MARS1: variants seen among roughly 807,000 people sequenced by gnomAD.
The protein encoded by MARS1 is methionyl-tRNA synthetase 1, also known as methionine--tRNA ligase, cytoplasmic.
In MARS1, 80 loss-of-function variants were observed where a neutral mutation model predicts 119.5. The observed-to-expected ratio is 0.67, with a 90% CI of 0.56 to 0.81. MARS1 has a LOEUF of 0.81. Ranked by LOEUF, MARS1 falls within the 30% of genes least tolerant of loss-of-function variation. MARS1 has a pLI of 0.00. For missense variants in MARS1, 945 were observed against 1,116.5 expected (o/e 0.85, Z 2.19); for synonymous variants, 418 against 433.4 (o/e 0.96, Z 0.44).
In MARS1 at chr12:57,498,451, T is replaced by C. The variant is rs1373038186; in HGVS notation, c.919T>C (p.Tyr307His). ...YSRLRQWNTL[Y>H]LCGTDEYGTA... ...TCGCCTCCGCCAGTGGAACACCCTCTATCTGTGTGGGACAGATGAGTATGG... is the reference window on the plus strand; with the variant it reads ...TCGCCTCCGCCAGTGGAACACCCTCCATCTGTGTGGGACAGATGAGTATGG... The change falls in exon 9 of 21, where the codon TAT (tyrosine) becomes CAT (histidine). Residue 307 changes from tyrosine (Y) to histidine (H), a missense_variant. Physicochemically the swap from Tyr to His is moderately conservative, Grantham distance 83. Transcript: ENST00000262027. The C allele has an allele frequency of 1.2e-6, 2 of 1,613,960 alleles. No individual in the cohort carries two copies.
In MARS1 at chr12:57,516,357, T is replaced by G; in HGVS notation, c.2556+20T>G. The G allele has an allele frequency of 1.2e-6, 2 of 1,613,830 alleles. No individual in the cohort carries two copies. Among genetic ancestry groups the G allele is most frequent in the South Asian group, 2.2e-5 (2 of 91,072 alleles). On this transcript the variant is annotated intron_variant, in intron 20 of 20. Coordinates refer to ENST00000262027, the MANE Select transcript of MARS1 (RefSeq NM_004990.4). ...AAACAAGTATGAAGCTTAAGCCCTG[T>G]GGGAGACTGGACAAGCTGAATCCTA... is the stretch of plus-strand genomic sequence containing the variant.
rs150516400 is a variant in MARS1 at position 57,496,324 on chromosome 12, C to T, written c.771-1833C>T. Reference sequence around the variant, plus strand: ...GATTACAAGCACGCACCACCAGGCCCGGCTAATTTTTGTACTTTTTTAGTA... The same window carrying T: ...GATTACAAGCACGCACCACCAGGCCTGGCTAATTTTTGTACTTTTTTAGTA... On this transcript the variant is annotated intron_variant, in intron 7 of 20. Coordinates refer to ENST00000262027, the MANE Select transcript of MARS1 (RefSeq NM_004990.4). 8.5e-3 allele frequency among the ~76,000 whole-genome samples: 1,278 copies of T among 150,504 alleles called. 22 individuals carry two copies. Among genetic ancestry groups the T allele is most frequent in the African/African-American group, 0.029 (1,175 of 40,876 alleles).
intron 1 of MARS1, 194 bp downstream of exon 1, chr12:57,488,393 A>G (rs1158937268): frequency 1.4e-6 from 1 of 728,208 alleles, no homozygotes; most frequent in Non-Finnish European, 2.3e-6. Context: ...TACCCTCAAT[A>G]TAATACCCTT....
chr12:57,514,387 C>T (rs1263938706), intron 15 of MARS1, among the ~76,000 whole-genome samples: 1 of 152,100 alleles, frequency 6.6e-6, no homozygotes, highest in Non-Finnish European at 1.5e-5. Flanking sequence ...TCTTGAACTT[C>T]TGACCTCAGG....
chr12:57,496,412 C>G (rs1251971311), intron 7 of MARS1, among the ~76,000 whole-genome samples: 2 of 151,984 alleles, frequency 1.3e-5, no homozygotes, highest in African/African-American at 4.8e-5. Flanking sequence ...ATCCGCCTGC[C>G]TGAGCCTCCC....
chr12:57,494,087 C>T (rs759225720), intron 7 of MARS1, among the ~76,000 whole-genome samples: 47 of 146,428 alleles, frequency 3.2e-4, no homozygotes, highest in Non-Finnish European at 1.9e-4. Context: ...TCCCGAGTAG[C>T]TGGGATTACA....
Position 57,498,291 on chromosome 12 carries a change from G to A in MARS1, c.887+18G>A, listed in dbSNP as rs907862269. ...TTTGCCAGGTGGAGCCAGCTGCTCG[G>A]GGAGAGACCTCCTAAGGGAAGGGCG... On this transcript the variant is annotated intron_variant, in intron 8 of 20. Transcript: ENST00000262027. 3 of 1,608,472 alleles carry A rather than the reference G, an allele frequency of 1.9e-6. No individual in the cohort carries two copies. Among genetic ancestry groups the A allele is most frequent in the Non-Finnish European group, 2.6e-6 (3 of 1,174,900 alleles).
intron 4 of MARS1, 22 bp downstream of exon 4, chr12:57,489,580 G>A: frequency 6.2e-7 from 1 of 1,613,940 alleles, no homozygotes; most frequent in Non-Finnish European, 8.5e-7. Flanking sequence ...CTTGAGATGA[G>A]GACTGGGGAA....
At chr12:57,507,033 A>G (rs1383783071) in intron 11 of MARS1, among the ~76,000 whole-genome samples, 1 of 148,968 alleles carries the variant, frequency 6.7e-6, no homozygotes, top group Non-Finnish European at 1.5e-5. Flanking sequence ...GGTACTTGAG[A>G]TTAGGGAGTG....
chr12:57,508,598 A>C lies in MARS1; in HGVS notation c.1369-3100A>C, dbSNP rs879020483. Among the ~76,000 whole-genome samples the C allele has an allele frequency of 8.5e-5, 13 of 152,332 alleles. No homozygotes were observed. The South Asian group carries it at 2.7e-3, about 32-fold the overall frequency. On this transcript the variant is annotated intron_variant, in intron 11 of 20. Transcript: ENST00000262027. ...ATCAGGCAGGGAGGTTGCAGTGAGC[A>C]GAGATGGCGGCAGTACAGTCCAGCT...
chr12:57,501,589 GT>G (rs1225804705), intron 10 of MARS1, among the ~76,000 whole-genome samples: 2 of 152,118 alleles, frequency 1.3e-5, no homozygotes, highest in Non-Finnish European at 1.5e-5. Context: ...GGAGGCTGAG[GT>G]GGGCAGATCA....
rs1877711004 is a variant in MARS1 at position 57,514,937 on chromosome 12, G to T, written c.2100-17G>T. 1.9e-6 allele frequency: 3 copies of T among 1,614,050 alleles called. No individual in the cohort carries two copies. Among genetic ancestry groups the T allele is most frequent in the East Asian group, 4.5e-5 (2 of 44,890 alleles). ...TCTGTAGGACATTACACCTTGGCCTGCTTCCTCCCTTCCCAGGATCCGGGA... is the reference window on the plus strand; with the variant it reads ...TCTGTAGGACATTACACCTTGGCCTTCTTCCTCCCTTCCCAGGATCCGGGA... On this transcript the variant is annotated splice_polypyrimidine_tract_variant and intron_variant, in intron 16 of 20. Transcript: ENST00000262027.
In MARS1 at chr12:57,516,429, T is replaced by A. The variant is rs1594838496; in HGVS notation, c.2557-6T>A. 6.8e-6 allele frequency: 11 copies of A among 1,613,014 alleles called. No homozygotes were observed. The highest frequency in any genetic ancestry group is 9.3e-6 in the Non-Finnish European group (11 of 1,179,402). ...ACTGTTACCTCCCCACCCCCCTTTATCTTAGGGAAACATTGTCCGAGAACT... is the reference window on the plus strand; with the variant it reads ...ACTGTTACCTCCCCACCCCCCTTTAACTTAGGGAAACATTGTCCGAGAACT... On this transcript the variant is annotated splice_region_variant and splice_polypyrimidine_tract_variant and intron_variant, in intron 20 of 20. Coordinates refer to ENST00000262027, the MANE Select transcript of MARS1 (RefSeq NM_004990.4).
chr12:57,512,575 G>A, intron 14 of MARS1, 176 bp from the exon 15 acceptor site: 2 of 646,424 alleles, frequency 3.1e-6, no homozygotes, highest in South Asian at 2.0e-5. Flanking sequence ...GAGAAAAAAG[G>A]GCCAGAATGG....
At chr12:57,495,165 G>T (rs1034126091) in intron 7 of MARS1, among the ~76,000 whole-genome samples, 2 of 150,834 alleles carry the variant, frequency 1.3e-5, no homozygotes, top group African/African-American at 4.9e-5. Flanking sequence ...GGTGGCTGCC[G>T]GGCGGGGGCT....
Position 57,489,691 on chromosome 12 carries a change from C to T in MARS1, c.414+133C>T, listed in dbSNP as rs1875778338. 2.3e-6 allele frequency: 3 copies of T among 1,308,870 alleles called. No individual in the cohort carries two copies. The Admixed American group carries it at 6.6e-5, about 29-fold the overall frequency. The allele number at this position is 1,308,870 out of a possible 1,614,324, so 81.1% of individuals were successfully genotyped here. A position where few individuals can be genotyped will look rare whatever the true frequency, so the allele number is the denominator to read the frequency against. The stretch of plus-strand genomic sequence containing the variant: ...GTAATCTTGGCAAATCACTTAATCT[C>T]TCTAATCCTCAATTTTTTTCAGTTG... On this transcript the variant is annotated intron_variant, in intron 4 of 20. Transcript: ENST00000262027.
rs763015401 is a variant in MARS1, at chr12:57,516,586, C to T, written c.*5C>T. On this transcript the variant is annotated 3_prime_UTR_variant, in exon 21 of 21. Coordinates refer to ENST00000262027, the MANE Select transcript of MARS1 (RefSeq NM_004990.4). ...AAAGGCAAGAAGAAAAAGTAAAAGACCTTGGCTCATAGAAAGTCACTTTAA... is the reference window on the plus strand; with the variant it reads ...AAAGGCAAGAAGAAAAAGTAAAAGATCTTGGCTCATAGAAAGTCACTTTAA... The T allele has an allele frequency of 3.8e-6, 6 of 1,565,658 alleles. No homozygotes were observed. In the East Asian group the frequency reaches 1.3e-4, roughly 35 times the overall value.
intron 11 of MARS1, among the ~76,000 whole-genome samples, chr12:57,509,404 TTTG>T (rs1250612393): frequency 6.6e-6 from 1 of 152,084 alleles, no homozygotes; most frequent in Non-Finnish European, 1.5e-5. Flanking sequence ...GTATTTGTTT[TTTG>T]TTGTTTGTTT....
In MARS1 at chr12:57,515,247, C is replaced by G; in HGVS notation, c.2302C>G (p.Gln768Glu). ...PYMPTVSATI[Q>E]AQLQLPPPAC... is the part of the protein sequence containing the mutation. ...CATGCCCACGGTTAGTGCCACAATCCAGGCCCAGCTGCAGCTCCCACCTCC... is the reference window on the plus strand; with the variant it reads ...CATGCCCACGGTTAGTGCCACAATCGAGGCCCAGCTGCAGCTCCCACCTCC... The change falls in exon 18 of 21, where the codon CAG becomes GAG. Residue 768 changes from glutamine (Q) to glutamate (E), a missense_variant. By Grantham distance (29) the Gln-to-Glu change is conservative. Coordinates refer to ENST00000262027, the MANE Select transcript of MARS1 (RefSeq NM_004990.4). The G allele has an allele frequency of 6.2e-7, 1 of 1,614,120 alleles. No individual in the cohort carries two copies. The highest frequency in any genetic ancestry group is 8.5e-7 in the Non-Finnish European group (1 of 1,180,028).
Sources: gnomAD v4.1 joint callset for allele counts (sites outside exome capture counted in the v4.1 genomes callset) on GRCh38, gnomAD v4.1.1 for gene constraint, MANE v1.5 for transcripts, NCBI Gene and HGNC (gene_info 2026-07-23, HGNC 2026-07-21) for gene names.